INSR: variants seen among roughly 807,000 people sequenced by gnomAD.
INSR encodes the protein insulin receptor, also known as IR.
Under a neutral mutation model 142.6 loss-of-function variants are expected in INSR, and 67 were observed. That is an observed-to-expected ratio of 0.47 (90% CI 0.39 to 0.58). The LOEUF is 0.58. Among genes scored for constraint, INSR ranks in the 20% least tolerant of loss-of-function variants. The pLI, the probability that INSR is intolerant of heterozygous loss-of-function variation, is 0.00. For missense variants in INSR, 1,248 were observed against 1,833.2 expected (o/e 0.68, Z 5.83); for synonymous variants, 756 against 743.1 (o/e 1.02, Z -0.28).
At chr19:7,270,239 T>G (rs1568230933) in intron 1 of INSR, among the ~76,000 whole-genome samples, 2 of 152,004 alleles carry the variant, frequency 1.3e-5, no homozygotes, top group Non-Finnish European at 1.5e-5. Flanking sequence ...TAAACCACCA[T>G]GCCTGGCTGG....
At chr19:7,196,154 C>T (rs529405089) in intron 2 of INSR, among the ~76,000 whole-genome samples, 1 of 151,900 alleles carries the variant, frequency 6.6e-6, no homozygotes, top group African/African-American at 2.4e-5. Context: ...AGGCTGGTCT[C>T]GAACTCCTGA....
At chr19:7,196,970 C>T (rs1974764998) in intron 2 of INSR, among the ~76,000 whole-genome samples, 1 of 152,190 alleles carries the variant, frequency 6.6e-6, no homozygotes, top group African/African-American at 2.4e-5. Context: ...CTTTCTCTCC[C>T]ACACTGGCCC....
At chr19:7,220,644 C>A (rs923485176) in intron 2 of INSR, among the ~76,000 whole-genome samples, 1 of 152,068 alleles carries the variant, frequency 6.6e-6, no homozygotes, top group Non-Finnish European at 1.5e-5. Flanking sequence ...TCTTGTTATG[C>A]CCATTCGAAA....
intron 2 of INSR, among the ~76,000 whole-genome samples, chr19:7,244,996 C>T (rs1976494590): frequency 7.0e-6 from 1 of 141,994 alleles, no homozygotes; most frequent in African/African-American, 2.7e-5. Flanking sequence ...AGTGCAGTGG[C>T]ATGATCTCGG....
intron 2 of INSR, among the ~76,000 whole-genome samples, chr19:7,239,715 C>G (rs1976280860): frequency 6.6e-6 from 1 of 152,044 alleles, no homozygotes; most frequent in African/African-American, 2.4e-5. Flanking sequence ...ACTAGGGGAG[C>G]TGGTGAGTAG....
chr19:7,125,555 C>G lies in INSR; in HGVS notation c.3014-28G>C, dbSNP rs769265979. The G allele has an allele frequency of 6.2e-7, 1 of 1,610,508 alleles. No individual in the cohort carries two copies. The highest frequency in any genetic ancestry group is 1.1e-5 in the South Asian group (1 of 91,006). On this transcript the variant is annotated intron_variant, in intron 16 of 21. Transcript: ENST00000302850. The surrounding 1 kb of genome is among the most constrained non-coding windows in gnomAD (Gnocchi z 4.9). ...ACTTCTTACTTATCTACACAGCATC[C>G]TTGGAGGATCCCTTGGGGGTCTGCA...
chr19:7,125,159 T>C lies in INSR; in HGVS notation c.3258+124A>G. The C allele has an allele frequency of 8.7e-7, 1 of 1,150,600 alleles. No homozygotes were observed. The highest frequency in any genetic ancestry group is 1.3e-5 in the South Asian group (1 of 77,650). 71.3% of individuals were successfully genotyped at this position (1,150,600 alleles called of 1,614,324 possible). On this transcript the variant is annotated intron_variant, in intron 17 of 21. Coordinates refer to ENST00000302850, the MANE Select transcript of INSR (RefSeq NM_000208.4). This position sits in a 1 kb window ranked among gnomAD's most constrained non-coding sequence, Gnocchi z 4.9. ...CCTCACACCTCTAGGATGGGAAGCT[T>C]AGTGGAGTGAGGGGTGGGTAGGAGG...
intron 2 of INSR, among the ~76,000 whole-genome samples, chr19:7,235,728 C>A (rs910390467): frequency 1.3e-5 from 2 of 152,012 alleles, no homozygotes; most frequent in Non-Finnish European, 2.9e-5. Context: ...TGCTTGTAAT[C>A]CAAGCTACTC....
intron 2 of INSR, among the ~76,000 whole-genome samples, chr19:7,187,770 A>G (rs908611053): frequency 1.1e-4 from 16 of 151,786 alleles, no homozygotes; most frequent in African/African-American, 3.9e-4. Flanking sequence ...ATGGGGTCTC[A>G]CTATGTTGCC....
At chr19:7,213,951 T>C (rs1975355605) in intron 2 of INSR, among the ~76,000 whole-genome samples, 1 of 150,936 alleles carries the variant, frequency 6.6e-6, no homozygotes, top group South Asian at 2.1e-4. Context: ...GATTGTGCCA[T>C]TGCACTCCAG....
intron 1 of INSR, among the ~76,000 whole-genome samples, chr19:7,269,603 C>G (rs1967855530): frequency 6.6e-6 from 1 of 150,950 alleles, no homozygotes; most frequent in Non-Finnish European, 1.5e-5. Context: ...CCCCACCCCT[C>G]CTAGTCAGGG....
intron 8 of INSR, among the ~76,000 whole-genome samples, chr19:7,164,276 C>T (rs909224619): frequency 4.6e-5 from 7 of 152,148 alleles, no homozygotes; most frequent in African/African-American, 1.7e-4. Flanking sequence ...GGTTTCATCT[C>T]CACAGCTGTA....
At position 7,122,660 on chromosome 19, in the gene INSR, T is replaced by C. The variant is rs1972522038; in HGVS notation, c.3483A>G (p.Ala1161=). 6.8e-6 allele frequency: 11 copies of C among 1,614,236 alleles called. No homozygotes were observed. In the East Asian group the frequency reaches 2.0e-4, roughly 29 times the overall value. Residue 1161 remains alanine, a synonymous_variant, in exon 19 of 22, where the codon GCA becomes GCG. Transcript: ENST00000302850. ...CATGGGCGACCATGCAGTTTCTCGC[T>C]GCCAGGTCCCGATGCACAAACTTCT... ...NAKKFVHRDL[A]ARNCMVAHDF...
intron 2 of INSR, among the ~76,000 whole-genome samples, chr19:7,245,725 C>T (rs1018700587): frequency 2.0e-5 from 3 of 151,950 alleles, no homozygotes; most frequent in African/African-American, 4.8e-5. Context: ...GGATTGCAGG[C>T]ATGAGCCACC....
chr19:7,216,092 G>C lies in INSR; in HGVS notation c.653-31455C>G, dbSNP rs1379720228. Reference sequence around the variant, plus strand: ...AATCCCAGCACTTTGGGAGGCCAAGGTGAGTGGACCACCTGAGGTCAGGAG... The same window carrying C: ...AATCCCAGCACTTTGGGAGGCCAAGCTGAGTGGACCACCTGAGGTCAGGAG... On this transcript the variant is annotated intron_variant, in intron 2 of 21. Coordinates refer to ENST00000302850, the MANE Select transcript of INSR (RefSeq NM_000208.4). This position sits in a 1 kb window ranked among gnomAD's most constrained non-coding sequence, Gnocchi z 4.2. Among the ~76,000 whole-genome samples the C allele has an allele frequency of 6.6e-6, 1 of 151,860 alleles. No individual in the cohort carries two copies. The highest frequency in any genetic ancestry group is 6.6e-5 in the Admixed American group (1 of 15,240).
chr19:7,152,764 C>T lies in INSR; in HGVS notation c.2193G>A (p.Thr731=), dbSNP rs6413501. The change falls in exon 10 of 22, where the codon ACG becomes ACA. Residue 731 remains threonine (T), a synonymous_variant. Coordinates refer to ENST00000302850, the MANE Select transcript of INSR (RefSeq NM_000208.4). ...CCACGTTGTGCAGGTAATCCTCAAA[C>T]GTCTTCCTAAACGAGGACTCCTCCA... The part of the protein sequence containing the change: ...KELEESSFRK[T]FEDYLHNVVF... The T allele has an allele frequency of 5.0e-3, 8,142 of 1,613,178 alleles. 23 individuals carry two copies. Among genetic ancestry groups the T allele is most frequent in the Non-Finnish European group, 6.1e-3 (7,228 of 1,179,926 alleles).
intron 2 of INSR, among the ~76,000 whole-genome samples, chr19:7,190,596 T>C (rs553533298): frequency 6.6e-6 from 1 of 152,196 alleles, no homozygotes; most frequent in South Asian, 2.1e-4. Flanking sequence ...GGTCTTGAAC[T>C]CCTGACCTCG....
In INSR at chr19:7,294,378, GCC is replaced by G. The variant is rs1287122669; in HGVS notation, c.-489_-488del. On this transcript the variant is annotated 5_prime_UTR_variant, in exon 1 of 22. Coordinates refer to ENST00000302850, the MANE Select transcript of INSR (RefSeq NM_000208.4). ...GTAAACAACGCGGCCCGTCAGCTGG[GCC>G]CCGTGCGGGCCGCGGGAAAAGGCGG... Among the ~76,000 whole-genome samples the G allele has an allele frequency of 1.3e-5, 2 of 151,684 alleles. No individual in the cohort carries two copies. The highest frequency in any genetic ancestry group is 2.9e-5 in the Non-Finnish European group (2 of 67,828).
intron 11 of INSR, among the ~76,000 whole-genome samples, chr19:7,149,879 G>A (rs1973283467): frequency 1.3e-5 from 2 of 150,524 alleles, no homozygotes; most frequent in Admixed American, 1.3e-4. Flanking sequence ...AGGGAGAGAG[G>A]GAGGGAATAA....
Sources: gnomAD v4.1 joint callset for allele counts (sites outside exome capture counted in the v4.1 genomes callset) on GRCh38, gnomAD v4.1.1 for gene constraint, Gnocchi (gnomAD v3.1) non-coding constraint, MANE v1.5 for transcripts, NCBI Gene and HGNC (gene_info 2026-07-23, HGNC 2026-07-21) for gene names.